The following ARID2 variants were observed in gnomAD, a reference collection of about 807,000 sequenced individuals.
ARID2 encodes the protein AT-rich interaction domain 2, also known as AT-rich interactive domain-containing protein 2.
In ARID2, 32 loss-of-function variants were observed where a neutral mutation model predicts 184.6. The observed-to-expected ratio is 0.17, with a 90% CI of 0.13 to 0.23. The LOEUF (loss-of-function observed/expected upper bound fraction) is 0.23. ARID2 is among the 10% of genes least tolerant of loss of function. ARID2 has a pLI of 1.00. For missense variants in ARID2, 1,696 were observed against 2,197.6 expected (o/e 0.77, Z 4.56); for synonymous variants, 836 against 772.6 (o/e 1.08, Z -1.36).
chr12:45,893,620 T>C lies in ARID2; in HGVS notation c.5272-10T>C. 1.2e-6 allele frequency: 2 copies of C among 1,602,430 alleles called. No homozygotes were observed. Among genetic ancestry groups the C allele is most frequent in the Non-Finnish European group, 1.7e-6 (2 of 1,177,186 alleles). On this transcript the variant is annotated splice_polypyrimidine_tract_variant and intron_variant, in intron 19 of 20. Coordinates refer to ENST00000334344, the MANE Select transcript of ARID2 (RefSeq NM_152641.4). Reference sequence around the variant, plus strand: ...TAGATCTTTATTCTTTTTTTTCCTTTCTTTTTAAGGATGAAAAAGAGGGAC... The same window carrying C: ...TAGATCTTTATTCTTTTTTTTCCTTCCTTTTTAAGGATGAAAAAGAGGGAC...
intron 4 of ARID2, among the ~76,000 whole-genome samples, chr12:45,811,872 A>G (rs1208951463): frequency 6.6e-6 from 1 of 152,210 alleles, no homozygotes; most frequent in Non-Finnish European, 1.5e-5. Flanking sequence ...AGGATTCAGG[A>G]GACCAAGAAT....
chr12:45,798,027 C>G (rs566942823), intron 3 of ARID2, among the ~76,000 whole-genome samples: 3 of 152,170 alleles, frequency 2.0e-5, no homozygotes, highest in African/African-American at 7.2e-5. Context: ...GGTTCATTTG[C>G]AAGCATATAG....
chr12:45,853,656 G>A (rs779346243), intron 15 of ARID2, among the ~76,000 whole-genome samples: 16 of 152,236 alleles, frequency 1.1e-4, no homozygotes, highest in East Asian at 3.9e-4. Flanking sequence ...CTTAACAGTC[G>A]TCACCACCTG....
At chr12:45,745,037 A>AC (rs1941329786) in intron 3 of ARID2, among the ~76,000 whole-genome samples, 1 of 152,162 alleles carries the variant, frequency 6.6e-6, no homozygotes, top group Admixed American at 6.5e-5. Flanking sequence ...TTTTAAGCAA[A>AC]CTGTTTGGTG....
intron 3 of ARID2, among the ~76,000 whole-genome samples, chr12:45,784,003 G>A (rs1243140830): frequency 6.6e-6 from 1 of 152,018 alleles, no homozygotes. Context: ...ATTTAATTTT[G>A]TTTAGAATCA....
chr12:45,819,145 A>G (rs1942854485), intron 5 of ARID2, among the ~76,000 whole-genome samples: 1 of 152,204 alleles, frequency 6.6e-6, no homozygotes, highest in South Asian at 2.1e-4. Context: ...AAACCAGAAT[A>G]ATTTTAAGTC....
chr12:45,758,468 AC>A (rs1941612401), intron 3 of ARID2, among the ~76,000 whole-genome samples: 1 of 151,878 alleles, frequency 6.6e-6, no homozygotes, highest in Non-Finnish European at 1.5e-5. Context: ...TTCCAGTGTG[AC>A]CTAGGGAAGC....
In ARID2 at chr12:45,817,885, G is replaced by A. The variant is rs767329695; in HGVS notation, c.634G>A (p.Asp212Asn). The change falls in exon 5 of 21, where the codon GAC becomes AAC. Residue 212 changes from aspartate (D) to asparagine (N), a missense_variant. Asp to Asn is a conservative substitution (Grantham distance 23, BLOSUM62 1). Transcript: ENST00000334344. The stretch of plus-strand genomic sequence containing the variant: ...ACTTGCTAATGCCGGGGTGTTTGAC[G>A]ACAGTAAGTTTTAAGCTGAATGTAT... The part of the protein sequence containing the change: ...LLLANAGVFD[D>N]TLGSFSTVFG... The A allele has an allele frequency of 2.5e-6, 4 of 1,610,216 alleles. No homozygotes were observed. Among genetic ancestry groups the A allele is most frequent in the East Asian group, 2.2e-5 (1 of 44,768 alleles).
At chr12:45,734,323 C>T (rs1321101064) in intron 3 of ARID2, among the ~76,000 whole-genome samples, 2 of 152,068 alleles carry the variant, frequency 1.3e-5, no homozygotes, top group African/African-American at 2.4e-5. Flanking sequence ...GAGCGGAGAT[C>T]GTGCTACTGC....
chr12:45,808,347 A>G (rs1712916612), intron 3 of ARID2, among the ~76,000 whole-genome samples: 1 of 152,172 alleles, frequency 6.6e-6, no homozygotes, highest in South Asian at 2.1e-4. Context: ...ATCTTTTTGC[A>G]TCTCAGTTGG....
Position 45,907,029 on chromosome 12 carries a change from A to G in ARID2, c.*1951A>G, listed in dbSNP as rs28394493. 4.3e-6 allele frequency: 1 copy of G among 231,646 alleles called. No individual in the cohort carries two copies. The highest frequency in any genetic ancestry group is 6.1e-5 in the East Asian group (1 of 16,348). The allele number at this position is 231,646 out of a possible 1,614,324, so 14.3% of individuals were successfully genotyped here. A position where few individuals can be genotyped will look rare whatever the true frequency, so the allele number is the denominator to read the frequency against. The stretch of plus-strand genomic sequence containing the variant: ...GTAAAATCTAGTTTCTTCCTGAAGG[A>G]GGATCCCTGGCGCTGTCCTGCCATG... On this transcript the variant is annotated 3_prime_UTR_variant, in exon 21 of 21. Transcript: ENST00000334344.
chr12:45,902,628 T>C (rs1592150511), intron 20 of ARID2, among the ~76,000 whole-genome samples: 1 of 151,048 alleles, frequency 6.6e-6, no homozygotes, highest in African/African-American at 2.4e-5. Flanking sequence ...GCCTCCTGGG[T>C]TCAAGCGATT....
At position 45,832,408 on chromosome 12, in the gene ARID2, T is replaced by G. The variant is rs1185814909; in HGVS notation, c.706-4181T>G. Among the ~76,000 whole-genome samples, 8 of 152,196 alleles carry G rather than the reference T, an allele frequency of 5.3e-5. No homozygotes were observed. In the East Asian group the frequency reaches 1.5e-3, roughly 29 times the overall value. On this transcript the variant is annotated intron_variant, in intron 6 of 20. Transcript: ENST00000334344. ...AGTTTCTTGGATCTGTGGTTTGGTA[T>G]CTTACGTAAAATTTGGAGAGTTTTT...
chr12:45,777,231 T>C (rs558780922), intron 3 of ARID2, among the ~76,000 whole-genome samples: 2 of 152,266 alleles, frequency 1.3e-5, no homozygotes, highest in African/African-American at 2.4e-5. Flanking sequence ...AAATATATTC[T>C]AAAAGTTCAT....
At chr12:45,833,785 AGCC>A (rs1943164084) in intron 6 of ARID2, among the ~76,000 whole-genome samples, 1 of 152,206 alleles carries the variant, frequency 6.6e-6, no homozygotes, top group Non-Finnish European at 1.5e-5. Context: ...GTTTAATTAC[AGCC>A]TCTTATAATT....
intron 16 of ARID2, among the ~76,000 whole-genome samples, chr12:45,885,283 T>C (rs1221725406): frequency 6.6e-6 from 1 of 152,264 alleles, no homozygotes; most frequent in South Asian, 2.1e-4. Flanking sequence ...TTCATGGTTC[T>C]GCAACCAATA....
At chr12:45,760,584 G>GACTGTATAT (rs1270338380) in intron 3 of ARID2, among the ~76,000 whole-genome samples, 1 of 151,922 alleles carries the variant, frequency 6.6e-6, no homozygotes, top group African/African-American at 2.4e-5. Flanking sequence ...TGTACATTGA[G>GACTGTATAT]ACTGTATATA....
intron 16 of ARID2, among the ~76,000 whole-genome samples, chr12:45,867,566 C>T (rs1289134606): frequency 6.6e-6 from 1 of 150,402 alleles, no homozygotes. Flanking sequence ...CACAGTGAAA[C>T]CCCGTCTCTA....
At chr12:45,812,894 A>G (rs1447625318) in intron 4 of ARID2, among the ~76,000 whole-genome samples, 1 of 152,206 alleles carries the variant, frequency 6.6e-6, no homozygotes, top group Non-Finnish European at 1.5e-5. Flanking sequence ...GTCCGCTACT[A>G]CTGTTCCCAA....
Sources: allele counts gnomAD v4.1 joint callset (sites outside exome capture counted in the v4.1 genomes callset), GRCh38; gene constraint gnomAD v4.1.1; transcripts MANE v1.5; gene names NCBI Gene and HGNC (gene_info 2026-07-23, HGNC 2026-07-21).